Variants in HAPLN1 observed in about 807,000 individuals in gnomAD.
HAPLN1 encodes the protein Cartilage link protein.
A neutral mutation model predicts 36.5 loss-of-function variants in HAPLN1; 13 were observed. That is an observed-to-expected ratio of 0.36 (90% CI 0.23 to 0.57). The LOEUF is 0.57. Among genes scored for constraint, HAPLN1 ranks in the 20% least tolerant of loss-of-function variants. The pLI is 0.83. For synonymous variants in HAPLN1, 202 were observed against 169.8 expected, an observed-to-expected ratio of 1.19 and a Z score of -1.48; for missense variants, 407 against 439.7, an observed-to-expected ratio of 0.93 and a Z score of 0.66.
Position 83,658,771 on chromosome 5 carries a change from C to T in HAPLN1, c.101-5947G>A, listed in dbSNP as rs1010636445. ...ATCAGAAACCTTTCCAGGTGCCCACCCCCATCCATGCTAACCCTCTCCCTT... is the reference window on the plus strand; with the variant it reads ...ATCAGAAACCTTTCCAGGTGCCCACTCCCATCCATGCTAACCCTCTCCCTT... On this transcript the variant is annotated intron_variant, in intron 2 of 4. Coordinates refer to ENST00000274341, the MANE Select transcript of HAPLN1 (RefSeq NM_001884.4). Among the ~76,000 whole-genome samples the T allele has an allele frequency of 2.0e-5, 3 of 152,216 alleles. No homozygotes were observed. The East Asian group carries it at 5.8e-4, about 29-fold the overall frequency.
chr5:83,648,410 T>C lies in HAPLN1; in HGVS notation c.473-3745A>G, dbSNP rs1342365899. Among the ~76,000 whole-genome samples the C allele has an allele frequency of 1.1e-4, 9 of 81,830 alleles. No individual in the cohort carries two copies. The South Asian group carries it at 2.3e-3, about 21-fold the overall frequency. The allele number at this position is 81,830 out of a possible 152,430, so 53.7% of individuals were successfully genotyped here. Reference sequence around the variant, plus strand: ...CTATATTTGACTATATATATATATATATATATATATATATATATATATATA... The same window carrying C: ...CTATATTTGACTATATATATATATACATATATATATATATATATATATATA... On this transcript the variant is annotated intron_variant, in intron 3 of 4. Coordinates refer to ENST00000274341, the MANE Select transcript of HAPLN1 (RefSeq NM_001884.4).
intron 1 of HAPLN1, among the ~76,000 whole-genome samples, chr5:83,688,967 C>T (rs1751208036): frequency 6.6e-6 from 1 of 152,144 alleles, no homozygotes; most frequent in African/African-American, 2.4e-5. Flanking sequence ...AACTTAAATT[C>T]AATGCTCCGT....
chr5:83,673,360 G>T, intron 2 of HAPLN1, 64 bp downstream of exon 2: 2 of 1,083,240 alleles, frequency 1.8e-6, no homozygotes. Context: ...CACTAGCCCA[G>T]CATCTCAACT....
At chr5:83,648,555 G>T (rs1749953471) in intron 3 of HAPLN1, among the ~76,000 whole-genome samples, 2 of 150,240 alleles carry the variant, frequency 1.3e-5, no homozygotes, top group South Asian at 2.1e-4. Context: ...GCTACATGAA[G>T]AATTTTTTTT....
intron 1 of HAPLN1, among the ~76,000 whole-genome samples, chr5:83,705,612 A>G (rs1354067460): frequency 6.6e-6 from 1 of 152,172 alleles, no homozygotes; most frequent in Non-Finnish European, 1.5e-5. Flanking sequence ...AATTTCTCAC[A>G]TCAAAAAGTT....
chr5:83,666,844 T>A (rs1396321981), intron 2 of HAPLN1, among the ~76,000 whole-genome samples: 2 of 152,134 alleles, frequency 1.3e-5, no homozygotes, highest in East Asian at 3.8e-4. Context: ...CCACAGAGAA[T>A]AACCCAGTGT....
chr5:83,717,412 C>T (rs939804992), intron 1 of HAPLN1, among the ~76,000 whole-genome samples: 2 of 152,176 alleles, frequency 1.3e-5, no homozygotes, highest in Admixed American at 6.5e-5. Context: ...AACTTCCATT[C>T]CACAACAGCA....
chr5:83,710,324 T>C (rs1486367696), intron 1 of HAPLN1, among the ~76,000 whole-genome samples: 1 of 152,098 alleles, frequency 6.6e-6, no homozygotes, highest in Admixed American at 6.6e-5. Flanking sequence ...CATAGAAGCC[T>C]GAAATCTAGG....
intron 2 of HAPLN1, among the ~76,000 whole-genome samples, chr5:83,657,538 T>A (rs1411515686): frequency 6.6e-6 from 1 of 152,152 alleles, no homozygotes; most frequent in Non-Finnish European, 1.5e-5. Flanking sequence ...GTCAGGGGCT[T>A]CCTCGCTCCT....
At chr5:83,699,337 C>G (rs1350968712) in intron 1 of HAPLN1, among the ~76,000 whole-genome samples, 1 of 152,176 alleles carries the variant, frequency 6.6e-6, no homozygotes, top group Admixed American at 6.5e-5. Flanking sequence ...CCCTGAATGA[C>G]GCCTTCCAGC....
chr5:83,649,839 T>C (rs1261299849), intron 3 of HAPLN1, among the ~76,000 whole-genome samples: 1 of 152,248 alleles, frequency 6.6e-6, no homozygotes, highest in East Asian at 1.9e-4. Flanking sequence ...TATCAAACAT[T>C]CTTTTACTTG....
intron 3 of HAPLN1, among the ~76,000 whole-genome samples, chr5:83,651,563 T>C (rs572289420): frequency 3.3e-5 from 1 of 30,756 alleles, no homozygotes; most frequent in East Asian, 4.6e-4. Flanking sequence ...GATAGGATTG[T>C]ATGGGATTCA....
intron 1 of HAPLN1, among the ~76,000 whole-genome samples, chr5:83,686,412 C>T (rs1751128252): frequency 6.6e-6 from 1 of 152,112 alleles, no homozygotes; most frequent in East Asian, 1.9e-4. Flanking sequence ...TCTGCTTGTC[C>T]TTTCTTGCCA....
intron 1 of HAPLN1, among the ~76,000 whole-genome samples, chr5:83,687,150 A>T (rs1251936806): frequency 6.6e-6 from 1 of 152,210 alleles, no homozygotes; most frequent in African/African-American, 2.4e-5. Context: ...AAATCAGGAA[A>T]AGAAAATGAT....
At chr5:83,692,028 CA>C (rs1751287610) in intron 1 of HAPLN1, among the ~76,000 whole-genome samples, 1 of 151,378 alleles carries the variant, frequency 6.6e-6, no homozygotes, top group African/African-American at 2.4e-5. Flanking sequence ...GCAGGTTAAA[CA>C]ATTCAGGATA....
chr5:83,660,051 T>C (rs1750338487), intron 2 of HAPLN1, among the ~76,000 whole-genome samples: 1 of 152,148 alleles, frequency 6.6e-6, no homozygotes, highest in Admixed American at 6.5e-5. Flanking sequence ...CTTCATGCTC[T>C]GCTCTTTGCT....
At chr5:83,677,270 A>T (rs1750881853) in intron 1 of HAPLN1, among the ~76,000 whole-genome samples, 1 of 152,158 alleles carries the variant, frequency 6.6e-6, no homozygotes, top group South Asian at 2.1e-4. Flanking sequence ...GGTACCCAGC[A>T]TGTACAACAA....
At chr5:83,704,348 A>G (rs1166107176) in intron 1 of HAPLN1, among the ~76,000 whole-genome samples, 2 of 152,194 alleles carry the variant, frequency 1.3e-5, no homozygotes, top group East Asian at 3.9e-4. Context: ...AACCACACAA[A>G]CAAGTCAGGA....
At chr5:83,718,182 G>A (rs1751954156) in intron 1 of HAPLN1, among the ~76,000 whole-genome samples, 1 of 152,182 alleles carries the variant, frequency 6.6e-6, no homozygotes, top group African/African-American at 2.4e-5. Flanking sequence ...ATCCAACAAA[G>A]AGTAAAGTGA....
Sources: gnomAD v4.1 joint callset for allele counts (sites outside exome capture counted in the v4.1 genomes callset) on GRCh38, gnomAD v4.1.1 for gene constraint, MANE v1.5 for transcripts, NCBI Gene and HGNC (gene_info 2026-07-23, HGNC 2026-07-21) for gene names.